Variants in ETFB observed in about 807,000 individuals in gnomAD.
ETFB encodes beta-ETF.
A neutral mutation model predicts 25.6 loss-of-function variants in ETFB; 20 were observed. The ratio of observed to expected loss-of-function variants is 0.78; its 90% CI spans 0.55 to 1.14. ETFB has a LOEUF of 1.14. Ranked by LOEUF, ETFB falls within the 50% of genes most tolerant of loss-of-function variation. ETFB has a pLI of 0.00. For missense variants in ETFB, 286 were observed against 342.6 expected (o/e 0.83, Z 1.30); for synonymous variants, 142 against 146.7 (o/e 0.97, Z 0.23).
chr19:51,363,860 G>A (rs144288799), intron 1 of ETFB, among the ~76,000 whole-genome samples: 68 of 152,276 alleles, frequency 4.5e-4, no homozygotes, highest in Non-Finnish European at 7.5e-4. Flanking sequence ...GGCAAGCCGC[G>A]GCCTGGTCTG....
chr19:51,357,490 C>CTT (rs59847031), intron 1 of ETFB, among the ~76,000 whole-genome samples: 1 of 109,142 alleles, frequency 9.2e-6, no homozygotes, highest in African/African-American at 4.3e-5. Flanking sequence ...TTCTTTCTTT[C>CTT]TTTTTTTTTT....
intron 1 of ETFB, 47 bp downstream of exon 1, chr19:51,366,223 C>T: frequency 1.3e-6 from 2 of 1,589,204 alleles, no homozygotes; most frequent in South Asian, 1.1e-5. Context: ...GCCCCGGAAG[C>T]ACACGGCTGC....
chr19:51,363,740 C>T (rs1395741256), intron 1 of ETFB, among the ~76,000 whole-genome samples: 5 of 152,012 alleles, frequency 3.3e-5, no homozygotes, highest in South Asian at 2.1e-4. Context: ...TGAGCCACCG[C>T]GCCTGGCCGA....
chr19:51,363,849 G>C (rs754483643), intron 1 of ETFB, among the ~76,000 whole-genome samples: 3 of 152,130 alleles, frequency 2.0e-5, no homozygotes, highest in Non-Finnish European at 2.9e-5. Context: ...GGCATGGAAC[G>C]GGCAAGCCGC....
At position 51,347,025 on chromosome 19, in the gene ETFB, C is replaced by T. The variant is rs903169408; in HGVS notation, c.472G>A (p.Asp158Asn). 1.2e-6 allele frequency: 2 copies of T among 1,613,612 alleles called. No individual in the cohort carries two copies. The highest frequency in any genetic ancestry group is 2.2e-5 in the East Asian group (1 of 44,850). ...ATCTCCCGCTCCACTTTCAACTTGT[C>T]CCCCTCCAGCGTCACCTGGGAGGCG... ...TFASQVTLEGDKLKVEREIDG... is the reference protein window; with the variant it reads ...TFASQVTLEGNKLKVEREIDG... Residue 158 changes from aspartate (D) to asparagine (N), a missense_variant, in exon 5 of 6, where the codon GAC becomes AAC. Physicochemically the swap from Asp to Asn is conservative, Grantham distance 23. Transcript: ENST00000309244.
intron 1 of ETFB, chr19:51,355,789 G>T (rs1194444692): frequency 6.6e-6 from 1 of 151,860 alleles, no homozygotes; most frequent in Non-Finnish European, 1.5e-5. Context: ...CATGTCCTTT[G>T]TAGGGACATG....
intron 1 of ETFB, chr19:51,355,643 A>C (rs1433342113): frequency 6.6e-6 from 1 of 152,118 alleles, no homozygotes. Flanking sequence ...ACATGCACAC[A>C]TATGTTTATT....
In ETFB at chr19:51,350,785, T is replaced by C. The variant is rs945660672; in HGVS notation, c.376-394A>G. Among the ~76,000 whole-genome samples, 6 of 152,290 alleles carry C rather than the reference T, an allele frequency of 3.9e-5. No homozygotes were observed. In the East Asian group the frequency reaches 1.2e-3, roughly 29 times the overall value. ...CGCAGCCAGTCGGGTTGGCAAACCT[T>C]TTCTATGGTGGAACAGATGTAGTAA... On this transcript the variant is annotated intron_variant, in intron 3 of 5. Transcript: ENST00000309244.
Position 51,366,289 on chromosome 19 carries a change from A to G in ETFB, c.38T>C (p.Val13Ala). The change falls in exon 1 of 6, where the codon GTC (valine) becomes GCC (alanine). Residue 13 changes from valine to alanine, a missense_variant. Val to Ala is a moderately conservative substitution (Grantham distance 64). Transcript: ENST00000309244. ...GATCACCTTCACGGCGTAGTCGATG[A>G]CCCTCTTGACAGCTACGAGCACGCG... Reference protein sequence around the residue: ...ELRVLVAVKRVIDYAVKIRVK... With the variant: ...ELRVLVAVKRAIDYAVKIRVK... The G allele has an allele frequency of 6.2e-7, 1 of 1,613,456 alleles. No homozygotes were observed. The highest frequency in any genetic ancestry group is 2.2e-5 in the East Asian group (1 of 44,866).
chr19:51,356,963 T>C (rs548497622), intron 1 of ETFB: 10 of 152,262 alleles, frequency 6.6e-5, no homozygotes, highest in African/African-American at 2.4e-4. Context: ...TCTGTCTCTC[T>C]CTTATAAGGA....
intron 1 of ETFB, among the ~76,000 whole-genome samples, chr19:51,360,808 CAG>C (rs893587416): frequency 5.4e-4 from 82 of 151,872 alleles, no homozygotes; most frequent in African/African-American, 1.9e-3. Flanking sequence ...CTTTTTGATA[CAG>C]AGTCTTGTTC....
At position 51,354,398 on chromosome 19, in the gene ETFB, G is replaced by A; in HGVS notation, c.58-90C>T. 3 of 1,614,174 alleles carry A rather than the reference G, an allele frequency of 1.9e-6. No homozygotes were observed. In the Admixed American group the frequency reaches 5.0e-5, roughly 27 times the overall value. The stretch of plus-strand genomic sequence containing the variant: ...GCCAACCCTCTCCCAGGCTGGATGA[G>A]GACAACGACAGCCTGGAAAGGGGCA... On this transcript the variant is annotated intron_variant, in intron 1 of 5. Coordinates refer to ENST00000309244, the MANE Select transcript of ETFB (RefSeq NM_001985.3).
intron 1 of ETFB, among the ~76,000 whole-genome samples, chr19:51,362,935 C>T (rs907093123): frequency 2.0e-5 from 3 of 152,200 alleles, no homozygotes; most frequent in African/African-American, 7.2e-5. Flanking sequence ...ACCAGCTTCC[C>T]TCTGGGGACA....
At chr19:51,365,567 CG>C (rs1341261365) in intron 1 of ETFB, 2 of 154,098 alleles carry the variant, frequency 1.3e-5, no homozygotes, top group African/African-American at 4.8e-5. Flanking sequence ...TTGAGAGAAA[CG>C]GGCCTGAGAG....
chr19:51,350,735 C>A (rs1222934732), intron 3 of ETFB, among the ~76,000 whole-genome samples: 1 of 151,908 alleles, frequency 6.6e-6, no homozygotes, highest in African/African-American at 2.4e-5. Context: ...TCCCCCAAAG[C>A]TCTGGGATTA....
chr19:51,366,388 C>CCCCCCCCCCCCCCCCCCCCCCCCCCCCCT, upstream of ETFB: 1 of 1,499,848 alleles, frequency 6.7e-7, no homozygotes, highest in Non-Finnish European at 9.1e-7. Flanking sequence ...CCAGAAGCCC[C>CCCCCCCCCCCCCCCCCCCCCCCCCCCCCT]ACCACCCCCG....
intron 1 of ETFB, among the ~76,000 whole-genome samples, chr19:51,362,366 T>C (rs1986254362): frequency 2.0e-5 from 3 of 151,882 alleles, no homozygotes; most frequent in Non-Finnish European, 4.4e-5. Flanking sequence ...TTACCTGAGG[T>C]CAGGAGGTCT....
rs1411989566 is a variant in ETFB, at chr19:51,345,479, T to C, written c.598-98A>G. On this transcript the variant is annotated intron_variant, in intron 5 of 5. Transcript: ENST00000309244. ...GTGCCAGGCCTGCAGACCAGTCCCATGGGCTGAACCCTCTGGACCCACCCA... is the reference window on the plus strand; with the variant it reads ...GTGCCAGGCCTGCAGACCAGTCCCACGGGCTGAACCCTCTGGACCCACCCA... 4 of 1,243,234 alleles carry C rather than the reference T, an allele frequency of 3.2e-6. No individual in the cohort carries two copies. In the African/African-American group the frequency reaches 5.9e-5, roughly 18 times the overall value. The allele number at this position is 1,243,234 out of a possible 1,614,324, so 77.0% of individuals were successfully genotyped here.
intron 1 of ETFB, chr19:51,365,566 A>T (rs1281334101): frequency 1.9e-5 from 3 of 154,212 alleles, no homozygotes; most frequent in Non-Finnish European, 4.3e-5. Context: ...ATTGAGAGAA[A>T]CGGGCCTGAG....
Sources: gnomAD v4.1 joint callset for allele counts (sites outside exome capture counted in the v4.1 genomes callset) on GRCh38, gnomAD v4.1.1 for gene constraint, MANE v1.5 for transcripts, NCBI Gene and HGNC (gene_info 2026-07-23, HGNC 2026-07-21) for gene names.